The following CD101 variants were observed in gnomAD, a reference collection of about 807,000 sequenced individuals.
CD101 encodes CD101 molecule, also known as immunoglobulin superfamily member 2.
A neutral mutation model predicts 98.2 loss-of-function variants in CD101; 76 were observed. The observed-to-expected ratio is 0.77, with a 90% CI of 0.64 to 0.94. The LOEUF is 0.94. Ranked by LOEUF, CD101 falls within the 40% of genes least tolerant of loss-of-function variation. The pLI is 0.00. For missense variants in CD101, 1,145 were observed against 1,218.8 expected, an observed-to-expected ratio of 0.94 and a Z score of 0.90; for synonymous variants, 471 against 472.7, an observed-to-expected ratio of 1.00 and a Z score of 0.05.
At chr1:117,029,707 T>C (rs1379341470) in intron 8 of CD101, among the ~76,000 whole-genome samples, 2 of 152,226 alleles carry the variant, frequency 1.3e-5, no homozygotes, top group Non-Finnish European at 2.9e-5. Context: ...CAAGATCCAG[T>C]TCAAATATAA....
chr1:117,019,355 C>T lies in CD101; in HGVS notation c.2017+795C>T, dbSNP rs1653434197. The stretch of plus-strand genomic sequence containing the variant: ...CTGACACACCAAGATGACGCTCAAA[C>T]GTGGTCACTGTCATTATTCTCTCTG... On this transcript the variant is annotated intron_variant, in intron 6 of 9. Transcript: ENST00000682167. The surrounding 1 kb of genome is among the most constrained non-coding windows in gnomAD (Gnocchi z 4.3). Among the ~76,000 whole-genome samples, 1 of 152,136 alleles carries T rather than the reference C, an allele frequency of 6.6e-6. No individual in the cohort carries two copies. The highest frequency in any genetic ancestry group is 6.5e-5 in the Admixed American group (1 of 15,274).
rs1653588799 is a variant in CD101, at chr1:117,021,633, C to T, written c.2078C>T (p.Thr693Ile). 2 of 1,612,804 alleles carry T rather than the reference C, an allele frequency of 1.2e-6. No homozygotes were observed. The highest frequency in any genetic ancestry group is 1.7e-6 in the Non-Finnish European group (2 of 1,179,550). The change falls in exon 7 of 10, where the codon ACT (threonine) becomes ATT (isoleucine). Residue 693 changes from threonine (T) to isoleucine (I), a missense_variant. Transcript: ENST00000682167. This position sits in a 1 kb window ranked among gnomAD's most constrained non-coding sequence, Gnocchi z 4.7. ...CAAGAGCTCTCCATCAACTCCAACA[C>T]TGATATAGAATGTAGCATCTTGTCC... ...QVQELSINSN[T>I]DIECSILSRS...
intron 8 of CD101, chr1:117,026,109 C>T: frequency 1.9e-6 from 1 of 531,916 alleles, no homozygotes; most frequent in Non-Finnish European, 3.3e-6. Context: ...GAGATTTTGG[C>T]ATAGACACTT....
rs118029737 is a variant in CD101, at chr1:117,013,005, G to A, written c.842-401G>A. On this transcript the variant is annotated intron_variant, in intron 3 of 9. Coordinates refer to ENST00000682167, the MANE Select transcript of CD101 (RefSeq NM_001256106.3). ...CTTTTTAACTTCAGAAAATTCTGCT[G>A]GATATTCTTAGCCAAAAAAGAGAGT... Among the ~76,000 whole-genome samples, 29 of 152,042 alleles carry A rather than the reference G, an allele frequency of 1.9e-4. 1 individual carries two copies. The East Asian group carries it at 5.6e-3, about 29-fold the overall frequency.
In CD101 at chr1:117,021,353, A is replaced by G. The variant is rs1653569870; in HGVS notation, c.2018-220A>G. Among the ~76,000 whole-genome samples, 1 of 152,170 alleles carries G rather than the reference A, an allele frequency of 6.6e-6. No homozygotes were observed. Among genetic ancestry groups the G allele is most frequent in the Non-Finnish European group, 1.5e-5 (1 of 68,022 alleles). On this transcript the variant is annotated intron_variant, in intron 6 of 9. Transcript: ENST00000682167. This position sits in a 1 kb window ranked among gnomAD's most constrained non-coding sequence, Gnocchi z 4.7. ...AGATAAAGTTCAACTTGATATCAGA[A>G]AGCATTCTGGAGGGGCAGAGCTGTC... is the stretch of plus-strand genomic sequence containing the variant.
rs1283195813 is a variant in CD101 at position 117,019,659 on chromosome 1, T to G, written c.2017+1099T>G. On this transcript the variant is annotated intron_variant, in intron 6 of 9. Coordinates refer to ENST00000682167, the MANE Select transcript of CD101 (RefSeq NM_001256106.3). This position sits in a 1 kb window ranked among gnomAD's most constrained non-coding sequence, Gnocchi z 4.3. ...CGTCCCTACCCATGGATACAAGCTGTATGTTCACAACTCCCACATTCATTA... is the reference window on the plus strand; with the variant it reads ...CGTCCCTACCCATGGATACAAGCTGGATGTTCACAACTCCCACATTCATTA... 6.6e-6 allele frequency among the ~76,000 whole-genome samples: 1 copy of G among 152,212 alleles called. No homozygotes were observed. Among genetic ancestry groups the G allele is most frequent in the Non-Finnish European group, 1.5e-5 (1 of 68,030 alleles).
At chr1:117,003,234 A>G (rs535114908) in intron 1 of CD101, among the ~76,000 whole-genome samples, 2 of 152,344 alleles carry the variant, frequency 1.3e-5, no homozygotes, top group African/African-American at 4.8e-5. Context: ...GGGGAACTAA[A>G]CCAAGCTGCA....
At chr1:117,028,936 C>CA (rs1243551657) in intron 8 of CD101, among the ~76,000 whole-genome samples, 2 of 149,852 alleles carry the variant, frequency 1.3e-5, no homozygotes, top group Non-Finnish European at 3.0e-5. Context: ...CAAAAGTTGT[C>CA]AAAAAAAAGT....
rs1653377423 is a variant in CD101, at chr1:117,018,418, C to T, written c.1875C>T (p.Leu625=). ...CGCAGTCTTTATTTCGTTCACAACT[C>T]CTAGTCCATGATGCCACTGAGGAAG... ...KVSQSLFRSQ[L]LVHDATEEET... is the part of the protein sequence containing the mutation. The change falls in exon 6 of 10, where the codon CTC becomes CTT. Residue 625 remains leucine (L), a synonymous_variant. Coordinates refer to ENST00000682167, the MANE Select transcript of CD101 (RefSeq NM_001256106.3). This position sits in a 1 kb window ranked among gnomAD's most constrained non-coding sequence, Gnocchi z 4.3. 1 of 1,614,068 alleles carries T rather than the reference C, an allele frequency of 6.2e-7. No homozygotes were observed. Among genetic ancestry groups the T allele is most frequent in the African/African-American group, 1.3e-5 (1 of 74,930 alleles).
At position 117,036,434 on chromosome 1, in the gene CD101, C is replaced by T. The variant is rs1176504819; in HGVS notation, c.*300C>T. Reference sequence around the variant, plus strand: ...CCAATGCACTCTCTCCCCTCTCCATCACCCCATAAAACCCTCCTGTCACTT... The same window carrying T: ...CCAATGCACTCTCTCCCCTCTCCATTACCCCATAAAACCCTCCTGTCACTT... On this transcript the variant is annotated 3_prime_UTR_variant, in exon 10 of 10. Coordinates refer to ENST00000682167, the MANE Select transcript of CD101 (RefSeq NM_001256106.3). The surrounding 1 kb of genome is among the most constrained non-coding windows in gnomAD (Gnocchi z 5.0). 1.3e-5 allele frequency: 2 copies of T among 152,162 alleles called. No homozygotes were observed. Among genetic ancestry groups the T allele is most frequent in the Non-Finnish European group, 2.9e-5 (2 of 68,080 alleles). The allele number at this position is 152,162 out of a possible 1,614,324, so 9.4% of individuals were successfully genotyped here.
rs556405851 is a variant in CD101, at chr1:117,011,744, T to C, written c.619T>C (p.Leu207=). ...EIISLSKDFI[L]VPGPLYTERF... ...TATTTCTCTCTCCAAAGATTTTATATTGGTCCCTGGGCCCTTGTATACAGA... is the reference window on the plus strand; with the variant it reads ...TATTTCTCTCTCCAAAGATTTTATACTGGTCCCTGGGCCCTTGTATACAGA... Residue 207 remains leucine (L), a synonymous_variant, in exon 3 of 10, where the codon TTG becomes CTG. Transcript: ENST00000682167. 4.3e-6 allele frequency: 7 copies of C among 1,614,170 alleles called. No individual in the cohort carries two copies. The African/African-American group carries it at 8.0e-5, about 18-fold the overall frequency.
chr1:117,026,116 A>G (rs1653908795), intron 8 of CD101: 1 of 512,112 alleles, frequency 2.0e-6, no homozygotes, highest in South Asian at 3.4e-5. Flanking sequence ...TGGCATAGAC[A>G]CTTAAATATC....
At chr1:117,029,908 A>T (rs1407803232) in intron 8 of CD101, among the ~76,000 whole-genome samples, 3 of 152,202 alleles carry the variant, frequency 2.0e-5, no homozygotes, top group African/African-American at 7.2e-5. Flanking sequence ...CTTATCAGTG[A>T]CTAAGCTATG....
intron 8 of CD101, 30 bp downstream of exon 8, chr1:117,025,934 A>T (rs746203587): frequency 1.9e-6 from 3 of 1,576,674 alleles, no homozygotes; most frequent in Non-Finnish European, 2.6e-6. Flanking sequence ...CCGCGAGCTC[A>T]TGGTCAGGAG....
intron 9 of CD101, among the ~76,000 whole-genome samples, chr1:117,034,499 C>T (rs952156770): frequency 6.6e-6 from 1 of 152,146 alleles, no homozygotes; most frequent in African/African-American, 2.4e-5. Context: ...TAATCATTTT[C>T]CTCCAGATGA....
In CD101 at chr1:117,018,193, G is replaced by A. The variant is rs754141259; in HGVS notation, c.1650G>A (p.Pro550=). The A allele has an allele frequency of 2.4e-5, 39 of 1,607,748 alleles. No homozygotes were observed. Among genetic ancestry groups the A allele is most frequent in the Admixed American group, 1.2e-4 (7 of 59,298 alleles). ...AAGTTAGTCTGATGAGCCGTCAGCC[G>A]CAAGTGATGTTAACCAACACCTTTG... The part of the protein sequence containing the change: ...SLQVSLMSRQ[P]QVMLTNTFDL... The change falls in exon 6 of 10, where the codon CCG becomes CCA. Residue 550 remains proline (P), a synonymous_variant. Coordinates refer to ENST00000682167, the MANE Select transcript of CD101 (RefSeq NM_001256106.3). This position sits in a 1 kb window ranked among gnomAD's most constrained non-coding sequence, Gnocchi z 4.3.
rs768942188 is a variant in CD101 at position 117,033,890 on chromosome 1, C to T, written c.2855C>T (p.Ser952Leu). 14 of 1,614,072 alleles carry T rather than the reference C, an allele frequency of 8.7e-6. No individual in the cohort carries two copies. Among genetic ancestry groups the T allele is most frequent in the African/African-American group, 5.3e-5 (4 of 74,936 alleles). The change falls in exon 9 of 10, where the codon TCG (serine) becomes TTG (leucine). Residue 952 changes from serine to leucine, a missense_variant. Ser to Leu is a moderately radical substitution (Grantham distance 145, BLOSUM62 -2). Coordinates refer to ENST00000682167, the MANE Select transcript of CD101 (RefSeq NM_001256106.3). This position sits in a 1 kb window ranked among gnomAD's most constrained non-coding sequence, Gnocchi z 4.8. Reference sequence around the variant, plus strand: ...ACGCTTCCTTCCAGGATCTGCTCCTCGGCCCCTTTACTCTATTTCCTGTTC... The same window carrying T: ...ACGCTTCCTTCCAGGATCTGCTCCTTGGCCCCTTTACTCTATTTCCTGTTC... ...EPTLPSRICSSAPLLYFLFIC... is the reference protein window; with the variant it reads ...EPTLPSRICSLAPLLYFLFIC...
chr1:117,035,549 C>CTTT (rs11337228), intron 9 of CD101, among the ~76,000 whole-genome samples: 3 of 136,662 alleles, frequency 2.2e-5, no homozygotes, highest in South Asian at 2.3e-4. Flanking sequence ...GAAATGAAGA[C>CTTT]TTTTTTTTTT....
chr1:117,028,151 A>C (rs953113897), intron 8 of CD101, among the ~76,000 whole-genome samples: 1 of 152,200 alleles, frequency 6.6e-6, no homozygotes, highest in African/African-American at 2.4e-5. Context: ...TCCACAGTAC[A>C]GTGCAGGTAG....
Sources: allele counts gnomAD v4.1 joint callset (sites outside exome capture counted in the v4.1 genomes callset), GRCh38; gene constraint gnomAD v4.1.1; non-coding constraint Gnocchi (gnomAD v3.1); transcripts MANE v1.5; gene names NCBI Gene and HGNC (gene_info 2026-07-23, HGNC 2026-07-21).